TNFAIP8: variants seen among roughly 807,000 people sequenced by gnomAD.
The protein encoded by TNFAIP8 is tumor necrosis factor alpha-induced protein 8.
In TNFAIP8, 7 loss-of-function variants were observed where a neutral mutation model predicts 13.3. The observed-to-expected ratio is 0.52, with a 90% CI of 0.30 to 0.99. The LOEUF is 0.99. Among genes scored for constraint, TNFAIP8 ranks in the 50% least tolerant of loss-of-function variants. TNFAIP8 has a pLI of 0.07. For missense variants in TNFAIP8, 258 were observed against 236.9 expected, an observed-to-expected ratio of 1.09 and a Z score of -0.58; for synonymous variants, 94 against 87.6, an observed-to-expected ratio of 1.07 and a Z score of -0.41.
chr5:119,370,720 A>T (rs936716120), intron 1 of TNFAIP8, among the ~76,000 whole-genome samples: 1 of 152,212 alleles, frequency 6.6e-6, no homozygotes, highest in Non-Finnish European at 1.5e-5. Context: ...ATCCCTAATG[A>T]TTTAAAAATA....
chr5:119,324,146 G>T (rs1029651148), intron 1 of TNFAIP8, among the ~76,000 whole-genome samples: 5 of 151,658 alleles, frequency 3.3e-5, no homozygotes, highest in Non-Finnish European at 7.4e-5. Flanking sequence ...GTGTTGGCCA[G>T]TGTCTATAAT....
intron 1 of TNFAIP8, among the ~76,000 whole-genome samples, chr5:119,304,564 C>T (rs968179755): frequency 3.9e-5 from 6 of 152,208 alleles, no homozygotes; most frequent in African/African-American, 1.4e-4. Context: ...AAAACTTGCA[C>T]CTTAGAATTA....
At chr5:119,351,777 CTTTTCTTTTTCTTT>C (rs1231587962), upstream of TNFAIP8, among the ~76,000 whole-genome samples, 2 of 145,036 alleles carry the variant, frequency 1.4e-5, no homozygotes, top group Non-Finnish European at 3.0e-5. Flanking sequence ...TCTTTTCTTT[CTTTTCTTTTTCTTT>C]TTTTCTTTTT....
chr5:119,383,933 C>T (rs1752577918), intron 1 of TNFAIP8, among the ~76,000 whole-genome samples: 1 of 152,080 alleles, frequency 6.6e-6, no homozygotes, highest in African/African-American at 2.4e-5. Context: ...AGACCTGGTC[C>T]CTTTCTTTTC....
intron 1 of TNFAIP8, among the ~76,000 whole-genome samples, chr5:119,281,285 CAT>C (rs1748616623): frequency 1.8e-5 from 1 of 54,402 alleles, no homozygotes; most frequent in Non-Finnish European, 3.7e-5. Flanking sequence ...AACACACACA[CAT>C]ACACACACAC....
intron 1 of TNFAIP8, among the ~76,000 whole-genome samples, chr5:119,319,448 A>G (rs1450167896): frequency 6.6e-6 from 1 of 152,230 alleles, no homozygotes; most frequent in Non-Finnish European, 1.5e-5. Context: ...CGTGTGCTTA[A>G]TAACACGGCA....
intron 1 of TNFAIP8, among the ~76,000 whole-genome samples, chr5:119,295,656 A>G (rs1749153843): frequency 6.6e-6 from 1 of 152,086 alleles, no homozygotes; most frequent in Non-Finnish European, 1.5e-5. Flanking sequence ...GTTTTTTCCA[A>G]TTCTGTGAAG....
chr5:119,377,520 A>C (rs1752329226), intron 1 of TNFAIP8, among the ~76,000 whole-genome samples: 1 of 139,254 alleles, frequency 7.2e-6, no homozygotes, highest in Non-Finnish European at 1.6e-5. Flanking sequence ...GGTATGGAGA[A>C]TCCAAGTTCA....
At chr5:119,291,024 G>A (rs1748969293) in intron 1 of TNFAIP8, among the ~76,000 whole-genome samples, 1 of 152,116 alleles carries the variant, frequency 6.6e-6, no homozygotes, top group Non-Finnish European at 1.5e-5. Context: ...CATAATCATT[G>A]GCATATTTTA....
At chr5:119,340,009 C>G (rs1750684924) in intron 1 of TNFAIP8, among the ~76,000 whole-genome samples, 1 of 152,110 alleles carries the variant, frequency 6.6e-6, no homozygotes, top group Non-Finnish European at 1.5e-5. Flanking sequence ...GATGAGTGCT[C>G]CAGGAGGATG....
At chr5:119,328,554 C>CA (rs1750289632) in intron 1 of TNFAIP8, among the ~76,000 whole-genome samples, 1 of 152,116 alleles carries the variant, frequency 6.6e-6, no homozygotes, top group African/African-American at 2.4e-5. Context: ...GATGAGAAGA[C>CA]AGCAGAACTT....
At chr5:119,284,634 T>C (rs1036109099) in intron 1 of TNFAIP8, among the ~76,000 whole-genome samples, 1 of 151,886 alleles carries the variant, frequency 6.6e-6, no homozygotes, top group Admixed American at 6.6e-5. Context: ...TGAGCCAAGA[T>C]TGCATCGCTG....
intron 1 of TNFAIP8, among the ~76,000 whole-genome samples, chr5:119,351,012 G>GTGTA (rs1751114538): frequency 6.6e-6 from 1 of 150,576 alleles, no homozygotes; most frequent in Non-Finnish European, 1.5e-5. Context: ...GTGTGTGTGT[G>GTGTA]TGTGTGTGTG....
Position 119,333,510 on chromosome 5 carries a change from C to T in TNFAIP8, c.2-59306C>T, listed in dbSNP as rs1750450988. On this transcript the variant is annotated intron_variant, in intron 1 of 1. Transcript: ENST00000274456. ...GGACTGAGTCTCCCCGAGGGTGATG[C>T]AGGTTCCATAGTGTACACGTCAACA... 52 of 1,500,036 alleles carry T rather than the reference C, an allele frequency of 3.5e-5. 1 individual carries two copies. The South Asian group carries it at 6.4e-4, about 18-fold the overall frequency. The allele number at this position is 1,500,036 out of a possible 1,614,324, so 92.9% of individuals were successfully genotyped here. A position where few individuals can be genotyped will look rare whatever the true frequency, so the allele number is the denominator to read the frequency against.
At position 119,399,496 on chromosome 5, in the gene TNFAIP8, G is replaced by A. The variant is rs1219615633; in HGVS notation, c.*6115G>A. The A allele has an allele frequency of 6.6e-6, 1 of 152,106 alleles. No individual in the cohort carries two copies. Among genetic ancestry groups the A allele is most frequent in the African/African-American group, 2.4e-5 (1 of 41,424 alleles). 9.4% of individuals were successfully genotyped at this position (152,106 alleles called of 1,614,324 possible). On this transcript the variant is annotated 3_prime_UTR_variant, in exon 2 of 2. Transcript: ENST00000504771. ...AAATCAGCGATGAAAAGAAGACTGA[G>A]TCTAAAATAAATGAAGCAACAGACT...
chr5:119,391,096 T>G lies in TNFAIP8; in HGVS notation c.32-1720T>G, dbSNP rs1019852770. On this transcript the variant is annotated intron_variant, in intron 1 of 1. Transcript: ENST00000504771. ...TCCTCTCCCTACCTGGGCCTGCCAATGTGCTGGGATTTCAAGTGTGAGCCA... is the reference window on the plus strand; with the variant it reads ...TCCTCTCCCTACCTGGGCCTGCCAAGGTGCTGGGATTTCAAGTGTGAGCCA... 4.6e-5 allele frequency among the ~76,000 whole-genome samples: 7 copies of G among 151,396 alleles called. 1 individual carries two copies. Among genetic ancestry groups the G allele is most frequent in the African/African-American group, 1.7e-4 (7 of 41,182 alleles).
chr5:119,278,370 AGAGAGAGTGTGTGT>A (rs1334556634), intron 1 of TNFAIP8, among the ~76,000 whole-genome samples: 1,819 of 134,586 alleles, frequency 0.014, 26 homozygotes, highest in Middle Eastern at 0.04. Flanking sequence ...AGAGAGAGAG[AGAGAGAGTGTGTGT>A]GTGTGTGTGT....
At chr5:119,269,002 CAGAG>C (rs1173887160) in intron 1 of TNFAIP8, 1 of 624,582 alleles carries the variant, frequency 1.6e-6, no homozygotes, top group Non-Finnish European at 2.8e-6. Context: ...GCCTCCGGCT[CAGAG>C]AGTTTCTGAA....
intron 1 of TNFAIP8, among the ~76,000 whole-genome samples, chr5:119,269,496 C>A (rs1286892601): frequency 6.6e-6 from 1 of 152,126 alleles, no homozygotes; most frequent in Non-Finnish European, 1.5e-5. Flanking sequence ...CTGGAGCCCT[C>A]AGCACCTGCT....
Sources: gnomAD v4.1 joint callset for allele counts (sites outside exome capture counted in the v4.1 genomes callset) on GRCh38, gnomAD v4.1.1 for gene constraint, MANE v1.5 for transcripts, NCBI Gene and HGNC (gene_info 2026-07-23, HGNC 2026-07-21) for gene names.